Variants in NRXN3 observed in about 807,000 individuals in gnomAD.
NRXN3 encodes the protein neurexin 3.
In NRXN3, 32 loss-of-function variants were observed where a neutral mutation model predicts 137.6. The ratio of observed to expected loss-of-function variants is 0.23; its 90% confidence interval spans 0.18 to 0.31. The LOEUF (loss-of-function observed/expected upper bound fraction) is 0.31. Ranked by LOEUF, NRXN3 falls within the 10% of genes least tolerant of loss-of-function variation. NRXN3 has a pLI of 1.00. For synonymous variants in NRXN3, 798 were observed against 784.5 expected, an observed-to-expected ratio of 1.02 and a Z score of -0.29; for missense variants, 1,574 against 2,062.5, an observed-to-expected ratio of 0.76 and a Z score of 4.59.
intron 16 of NRXN3, among the ~76,000 whole-genome samples, chr14:79,505,190 G>C (rs1378917850): frequency 6.6e-6 from 1 of 150,672 alleles, no homozygotes; most frequent in Non-Finnish European, 1.5e-5. Flanking sequence ...TCTCCAGCCT[G>C]GGCAACAAGA....
chr14:78,348,953 C>G (rs772460385), intron 4 of NRXN3, among the ~76,000 whole-genome samples: 11 of 152,172 alleles, frequency 7.2e-5, no homozygotes, highest in Non-Finnish European at 1.6e-4. Context: ...TAAAGGTGGT[C>G]ACTGTGCAGA....
At chr14:79,191,600 A>T (rs758466343) in intron 15 of NRXN3, among the ~76,000 whole-genome samples, 5 of 152,180 alleles carry the variant, frequency 3.3e-5, no homozygotes, top group Non-Finnish European at 5.9e-5. Flanking sequence ...TAGATGGGTA[A>T]ATATAAGACC....
At chr14:78,631,487 C>T (rs769923393) in intron 4 of NRXN3, among the ~76,000 whole-genome samples, 23 of 152,176 alleles carry the variant, frequency 1.5e-4, no homozygotes, top group Non-Finnish European at 2.9e-5. Flanking sequence ...ATTGATAAAT[C>T]ATATCCGGTA....
At position 79,016,948 on chromosome 14, in the gene NRXN3, T is replaced by TG. The variant is rs2099580288; in HGVS notation, c.3262+28811dup. 2.0e-5 allele frequency among the ~76,000 whole-genome samples: 3 copies of TG among 151,946 alleles called. No homozygotes were observed. In the South Asian group the frequency reaches 6.2e-4, roughly 32 times the overall value. ...TATCAGGACCATTTGGAGGAGAGAATGGGGAAAAGGCTCGTGGGCAGACAG... is the reference window on the plus strand; with the variant it reads ...TATCAGGACCATTTGGAGGAGAGAATGGGGGAAAAGGCTCGTGGGCAGACAG... On this transcript the variant is annotated intron_variant, in intron 15 of 20. Coordinates refer to ENST00000335750, the MANE Select transcript of NRXN3 (RefSeq NM_001330195.2).
intron 20 of NRXN3, among the ~76,000 whole-genome samples, chr14:79,852,699 C>CA (rs1214128123): frequency 6.6e-6 from 1 of 151,886 alleles, no homozygotes. Context: ...ATTAACCAGC[C>CA]AAAAAAGCAA....
At chr14:78,718,281 C>G (rs1046411591) in intron 8 of NRXN3, among the ~76,000 whole-genome samples, 6 of 152,096 alleles carry the variant, frequency 3.9e-5, no homozygotes, top group African/African-American at 1.4e-4. Context: ...CTGGAACTTC[C>G]TTGGGGGTGA....
At chr14:79,772,156 G>A (rs1021442523) in intron 19 of NRXN3, among the ~76,000 whole-genome samples, 25 of 151,924 alleles carry the variant, frequency 1.6e-4, no homozygotes, top group Non-Finnish European at 2.9e-5. Context: ...AACATTCCAT[G>A]CTCATGGGTA....
intron 15 of NRXN3, among the ~76,000 whole-genome samples, chr14:79,465,487 A>C (rs2096409231): frequency 1.3e-5 from 2 of 152,214 alleles, no homozygotes; most frequent in Admixed American, 6.5e-5. Flanking sequence ...CCTTTCAAAG[A>C]AGACAAATTA....
intron 1 of NRXN3, among the ~76,000 whole-genome samples, chr14:78,178,541 A>G (rs1001994580): frequency 9.2e-5 from 14 of 152,038 alleles, no homozygotes; most frequent in Non-Finnish European, 1.3e-4. Context: ...CCTGAAGCCT[A>G]TTTGTCTCTG....
chr14:79,767,977 G>A lies in NRXN3; in HGVS notation c.4015-37135G>A, dbSNP rs184545569. On this transcript the variant is annotated intron_variant, in intron 19 of 20. Transcript: ENST00000335750. ...TCACTCGGGAAGCGCAAGGGGTCAG[G>A]GAGTTCCCTTTCCTAGTCAAAGAAA... is the stretch of plus-strand genomic sequence containing the variant. 2.8e-3 allele frequency among the ~76,000 whole-genome samples: 426 copies of A among 152,314 alleles called. 1 individual carries two copies. The highest frequency in any genetic ancestry group is 0.01 in the African/African-American group (416 of 41,564).
At chr14:78,972,886 C>A (rs1347107413) in intron 14 of NRXN3, 2 of 152,264 alleles carry the variant, frequency 1.3e-5, no homozygotes, top group African/African-American at 4.8e-5. Flanking sequence ...AACAAAGTTG[C>A]GTTGACCAAA....
rs148124376 is a variant in NRXN3 at position 78,173,629 on chromosome 14, C to A, written c.-704+2955C>A. On this transcript the variant is annotated intron_variant, in intron 1 of 20. Transcript: ENST00000335750. ...CTCCCCCCACCCTAGGCGCACCCCCCCTTCCTCCAGCCCTTTCCATCTTCA... is the reference window on the plus strand; with the variant it reads ...CTCCCCCCACCCTAGGCGCACCCCCACTTCCTCCAGCCCTTTCCATCTTCA... 1.6e-3 allele frequency among the ~76,000 whole-genome samples: 242 copies of A among 146,942 alleles called. 1 individual carries two copies. The highest frequency in any genetic ancestry group is 3.4e-3 in the African/African-American group (137 of 39,714).
intron 10 of NRXN3, among the ~76,000 whole-genome samples, chr14:78,843,330 A>G (rs1469258969): frequency 6.6e-6 from 1 of 152,122 alleles, no homozygotes; most frequent in African/African-American, 2.4e-5. Flanking sequence ...GTCCCAGGGA[A>G]TCATATTTTG....
At chr14:78,605,288 C>A (rs149547139) in intron 4 of NRXN3, among the ~76,000 whole-genome samples, 1 of 152,288 alleles carries the variant, frequency 6.6e-6, no homozygotes, top group African/African-American at 2.4e-5. Flanking sequence ...ATCTTGACAT[C>A]TAACTGTATA....
chr14:78,426,249 C>T (rs1364401617), intron 4 of NRXN3, among the ~76,000 whole-genome samples: 2 of 152,180 alleles, frequency 1.3e-5, no homozygotes, highest in Admixed American at 1.3e-4. Context: ...GCCCAAGCAC[C>T]GTGATCCTCC....
chr14:79,027,004 A>C lies in NRXN3; in HGVS notation c.3262+38863A>C, dbSNP rs1231140789. Among the ~76,000 whole-genome samples the C allele has an allele frequency of 3.3e-5, 4 of 120,288 alleles. No homozygotes were observed. In the East Asian group the frequency reaches 7.6e-4, roughly 23 times the overall value. 78.9% of individuals were successfully genotyped at this position (120,288 alleles called of 152,430 possible). On this transcript the variant is annotated intron_variant, in intron 15 of 20. Transcript: ENST00000335750. ...TATATATATATATATATATATATAT[A>C]TCATAGCACATTCTTAGCCTACCCA...
chr14:79,302,711 G>A (rs1468437925), intron 15 of NRXN3, among the ~76,000 whole-genome samples: 2 of 151,810 alleles, frequency 1.3e-5, no homozygotes, highest in Non-Finnish European at 2.9e-5. Context: ...TTAAAAGTGT[G>A]ACCCTTCCCC....
intron 15 of NRXN3, among the ~76,000 whole-genome samples, chr14:79,082,079 CAT>C (rs958846827): frequency 1.3e-4 from 20 of 148,722 alleles, no homozygotes; most frequent in Admixed American, 1.3e-4. Flanking sequence ...TATATATATA[CAT>C]ATATACACAT....
intron 4 of NRXN3, among the ~76,000 whole-genome samples, chr14:78,574,737 C>T (rs909077245): frequency 1.3e-5 from 2 of 152,194 alleles, no homozygotes; most frequent in African/African-American, 4.8e-5. Context: ...TCAGATGAAA[C>T]TTTGGACTTC....
Sources: gnomAD v4.1 joint callset for allele counts (sites outside exome capture counted in the v4.1 genomes callset) on GRCh38, gnomAD v4.1.1 for gene constraint, MANE v1.5 for transcripts, NCBI Gene and HGNC (gene_info 2026-07-23, HGNC 2026-07-21) for gene names.